Variants in LMBRD1 observed in about 807,000 individuals in gnomAD.
The protein encoded by LMBRD1 is LMBR1 domain containing 1.
LMBRD1 carries 64 observed loss-of-function variants against 74.8 expected under a neutral mutation model. The ratio of observed to expected loss-of-function variants is 0.86; its 90% CI spans 0.70 to 1.05. The LOEUF (loss-of-function observed/expected upper bound fraction) is 1.05, where lower values mean the gene tolerates loss of function less well. LMBRD1 is among the 50% of genes least tolerant of loss of function. The pLI, the probability that LMBRD1 is intolerant of heterozygous loss-of-function variation, is 0.00. For missense variants in LMBRD1, 652 were observed against 645.9 expected, an observed-to-expected ratio of 1.01 and a Z score of -0.10; for synonymous variants, 204 against 216.3, an observed-to-expected ratio of 0.94 and a Z score of 0.50.
intron 6 of LMBRD1, among the ~76,000 whole-genome samples, chr6:69,741,092 G>T (rs1357641923): frequency 1.3e-5 from 2 of 151,588 alleles, no homozygotes; most frequent in Admixed American, 1.3e-4. Context: ...AAAACATAAG[G>T]TTCTCTCTTA....
intron 14 of LMBRD1, among the ~76,000 whole-genome samples, chr6:69,682,291 T>C (rs776845852): frequency 6.6e-5 from 10 of 151,842 alleles, no homozygotes; most frequent in Non-Finnish European, 1.5e-4. Context: ...CACAGAAATT[T>C]TGAAGGACAC....
Position 69,676,435 on chromosome 6 carries a change from G to A in LMBRD1, c.1509+15C>T, listed in dbSNP as rs749551154. 3 of 1,606,908 alleles carry A rather than the reference G, an allele frequency of 1.9e-6. No homozygotes were observed. Among genetic ancestry groups the A allele is most frequent in the Non-Finnish European group, 2.6e-6 (3 of 1,173,786 alleles). On this transcript the variant is annotated intron_variant, in intron 15 of 15. Coordinates refer to ENST00000649934, the MANE Select transcript of LMBRD1 (RefSeq NM_018368.4). Reference sequence around the variant, plus strand: ...TAAAGGAAGGTCAAATCACGCGTGGGATATCTGCACTTACCCCAAGAAAGG... The same window carrying A: ...TAAAGGAAGGTCAAATCACGCGTGGAATATCTGCACTTACCCCAAGAAAGG...
chr6:69,699,188 T>C lies in LMBRD1; in HGVS notation c.1193A>G (p.Tyr398Cys). The change falls in exon 13 of 16, where the codon TAT becomes TGT. Residue 398 changes from tyrosine (Y) to cysteine (C), a missense_variant. Tyr to Cys is a radical substitution (Grantham distance 194). Transcript: ENST00000649934. ...IGIWFFWIRL[Y>C]KIRRGRTRPQ... ...CCTGGTTCTACCTCTTCTGATTTTATATAACTGGAAAGAAAAGAGTGACAA... is the reference window on the plus strand; with the variant it reads ...CCTGGTTCTACCTCTTCTGATTTTACATAACTGGAAAGAAAAGAGTGACAA... 6.2e-7 allele frequency: 1 copy of C among 1,611,146 alleles called. No individual in the cohort carries two copies. The highest frequency in any genetic ancestry group is 8.5e-7 in the Non-Finnish European group (1 of 1,177,736).
intron 6 of LMBRD1, among the ~76,000 whole-genome samples, chr6:69,738,477 AATAG>A (rs1413533534): frequency 1.3e-5 from 2 of 152,084 alleles, no homozygotes; most frequent in African/African-American, 4.8e-5. Context: ...ATTGGTTCTT[AATAG>A]ATAATCAAAA....
chr6:69,732,238 T>C (rs1766874386), intron 7 of LMBRD1, among the ~76,000 whole-genome samples: 1 of 152,136 alleles, frequency 6.6e-6, no homozygotes, highest in Admixed American at 6.6e-5. Context: ...CAGTGTGATA[T>C]TTGTAGGTGG....
At chr6:69,719,118 G>A (rs1244706503) in intron 7 of LMBRD1, 37 bp from the exon 8 acceptor site, 1 of 1,589,120 alleles carries the variant, frequency 6.3e-7, no homozygotes, top group Non-Finnish European at 8.6e-7. Context: ...TAGAAATAAT[G>A]TTTCAAACAT....
intron 3 of LMBRD1, among the ~76,000 whole-genome samples, chr6:69,771,961 A>C (rs1472899033): frequency 6.6e-6 from 1 of 152,194 alleles, no homozygotes; most frequent in Non-Finnish European, 1.5e-5. Flanking sequence ...TATTTGACTC[A>C]AAATGTGAAA....
chr6:69,766,219 G>C (rs1366526432), intron 3 of LMBRD1, among the ~76,000 whole-genome samples: 3 of 152,014 alleles, frequency 2.0e-5, no homozygotes, highest in East Asian at 1.9e-4. Context: ...GCAGTGTTGA[G>C]AGCAGACATA....
At chr6:69,738,879 T>G (rs1004928120) in intron 6 of LMBRD1, among the ~76,000 whole-genome samples, 4 of 152,162 alleles carry the variant, frequency 2.6e-5, no homozygotes, top group African/African-American at 4.8e-5. Context: ...GTATTGACAT[T>G]AATCTTTTAT....
intron 14 of LMBRD1, among the ~76,000 whole-genome samples, chr6:69,695,607 C>T (rs968282177): frequency 6.6e-6 from 1 of 152,122 alleles, no homozygotes; most frequent in African/African-American, 2.4e-5. Context: ...AATGTAAATG[C>T]TATGCAAATA....
chr6:69,791,272 C>T (rs1379299895), intron 1 of LMBRD1, among the ~76,000 whole-genome samples: 21 of 152,170 alleles, frequency 1.4e-4, no homozygotes, highest in Admixed American at 1.4e-3. Flanking sequence ...TGGAGTGGAG[C>T]CAGAAAATCT....
chr6:69,697,480 A>C, intron 14 of LMBRD1, 83 bp downstream of exon 14: 1 of 930,168 alleles, frequency 1.1e-6, no homozygotes, highest in South Asian at 1.3e-5. Context: ...TAGTAAAACA[A>C]ATGCATCAAA....
At chr6:69,686,854 CAT>C (rs1765774419) in intron 14 of LMBRD1, among the ~76,000 whole-genome samples, 1 of 152,198 alleles carries the variant, frequency 6.6e-6, no homozygotes, top group African/African-American at 2.4e-5. Flanking sequence ...TTTATTGAAA[CAT>C]AGCTACAGCC....
chr6:69,704,441 TATC>T (rs1766204025), intron 9 of LMBRD1, among the ~76,000 whole-genome samples: 1 of 152,130 alleles, frequency 6.6e-6, no homozygotes, highest in Admixed American at 6.6e-5. Context: ...TTCAATTAGT[TATC>T]ATCTGTTATT....
chr6:69,741,709 A>G, intron 6 of LMBRD1, 80 bp downstream of exon 6: 1 of 896,446 alleles, frequency 1.1e-6, no homozygotes, highest in Non-Finnish European at 1.8e-6. Context: ...TCTTAACAAA[A>G]TACAAATAAA....
intron 9 of LMBRD1, among the ~76,000 whole-genome samples, chr6:69,703,229 T>A (rs766085951): frequency 2.6e-5 from 4 of 151,944 alleles, no homozygotes; most frequent in Non-Finnish European, 4.4e-5. Flanking sequence ...GGAGTTATAC[T>A]TTTTTTTCTA....
At chr6:69,698,155 A>G (rs767966339) in intron 13 of LMBRD1, among the ~76,000 whole-genome samples, 6 of 152,052 alleles carry the variant, frequency 3.9e-5, no homozygotes. Flanking sequence ...CTCCATCATG[A>G]TCAGTGCTTT....
chr6:69,693,321 T>C (rs1286371084), intron 14 of LMBRD1, among the ~76,000 whole-genome samples: 3 of 152,084 alleles, frequency 2.0e-5, no homozygotes, highest in Non-Finnish European at 2.9e-5. Context: ...AATGACTCAT[T>C]TGAAACCTAA....
chr6:69,792,582 A>C (rs1024999355), intron 1 of LMBRD1, among the ~76,000 whole-genome samples: 1 of 152,210 alleles, frequency 6.6e-6, no homozygotes, highest in Non-Finnish European at 1.5e-5. Flanking sequence ...AACAAAAAGG[A>C]TCTAGGCTCA....
Sources: allele counts gnomAD v4.1 joint callset (sites outside exome capture counted in the v4.1 genomes callset), GRCh38; gene constraint gnomAD v4.1.1; transcripts MANE v1.5; gene names NCBI Gene and HGNC (gene_info 2026-07-23, HGNC 2026-07-21).